Variants in PID1 observed in about 807,000 individuals in gnomAD.
PID1 encodes the protein PTB-containing, cubilin and LRP1-interacting protein.
PID1 carries 10 observed loss-of-function variants against 19.1 expected under a neutral mutation model. The ratio of observed to expected loss-of-function variants is 0.52; its 90% CI spans 0.32 to 0.89. PID1 has a LOEUF of 0.89. Ranked by LOEUF, PID1 falls within the 40% of genes least tolerant of loss-of-function variation. The probability of loss-of-function intolerance (pLI) is 0.03; values close to 1 mark genes in which losing one functional copy is unlikely to be tolerated. For missense variants in PID1, 248 were observed against 285.3 expected (o/e 0.87, Z 0.94); for synonymous variants, 130 against 116.0 (o/e 1.12, Z -0.78).
chr2:229,209,622 A>C (rs1285165012), intron 1 of PID1, among the ~76,000 whole-genome samples: 1 of 152,122 alleles, frequency 6.6e-6, no homozygotes, highest in Non-Finnish European at 1.5e-5. Context: ...TTAAACATTG[A>C]TCATGTTTTG....
intron 2 of PID1, among the ~76,000 whole-genome samples, chr2:229,120,892 T>C (rs1574645204): frequency 6.6e-6 from 1 of 151,984 alleles, no homozygotes; most frequent in Non-Finnish European, 1.5e-5. Context: ...GGAGAGGCAG[T>C]TGTTATAAAG....
At chr2:229,254,827 T>C (rs1191412886) in intron 1 of PID1, among the ~76,000 whole-genome samples, 1 of 152,240 alleles carries the variant, frequency 6.6e-6, no homozygotes, top group South Asian at 2.1e-4. Context: ...TAATGTATAT[T>C]TGTATTTTCT....
intron 1 of PID1, among the ~76,000 whole-genome samples, chr2:229,220,324 G>A (rs772895994): frequency 8.5e-5 from 13 of 152,214 alleles, no homozygotes; most frequent in Non-Finnish European, 1.8e-4. Context: ...AAGCAGCCAG[G>A]TGAGAGAGCC....
At chr2:229,066,702 G>A (rs1226759122) in intron 2 of PID1, among the ~76,000 whole-genome samples, 2 of 151,652 alleles carry the variant, frequency 1.3e-5, no homozygotes, top group African/African-American at 4.8e-5. Flanking sequence ...TCTATTTTGA[G>A]GACATAGCAT....
intron 1 of PID1, among the ~76,000 whole-genome samples, chr2:229,218,457 T>A (rs1391337146): frequency 6.6e-6 from 1 of 152,134 alleles, no homozygotes; most frequent in Non-Finnish European, 1.5e-5. Flanking sequence ...CCCGCACACG[T>A]TGCAGAAATC....
intron 1 of PID1, among the ~76,000 whole-genome samples, chr2:229,193,975 T>G (rs1691318413): frequency 6.6e-6 from 1 of 152,046 alleles, no homozygotes; most frequent in Admixed American, 6.6e-5. Context: ...AGCTGCAGAA[T>G]GGGGGATATT....
At chr2:229,131,438 C>G (rs1025621404) in intron 2 of PID1, among the ~76,000 whole-genome samples, 1 of 152,062 alleles carries the variant, frequency 6.6e-6, no homozygotes, top group Non-Finnish European at 1.5e-5. Flanking sequence ...ACCACATTGG[C>G]CAGGCAGGTG....
intron 2 of PID1, among the ~76,000 whole-genome samples, chr2:229,051,540 G>A (rs902346483): frequency 2.0e-5 from 3 of 152,058 alleles, no homozygotes; most frequent in African/African-American, 7.2e-5. Flanking sequence ...GTTTCACCAT[G>A]TTGCCCAGGC....
At chr2:229,228,467 T>C (rs1337419023) in intron 1 of PID1, among the ~76,000 whole-genome samples, 2 of 152,220 alleles carry the variant, frequency 1.3e-5, no homozygotes, top group Admixed American at 1.3e-4. Flanking sequence ...TTTACCATTA[T>C]GTAATATACG....
chr2:229,240,337 T>C (rs1173783939), intron 1 of PID1, among the ~76,000 whole-genome samples: 1 of 152,080 alleles, frequency 6.6e-6, no homozygotes, highest in Non-Finnish European at 1.5e-5. Flanking sequence ...TATCAGTGAA[T>C]GTGACATCCT....
intron 2 of PID1, among the ~76,000 whole-genome samples, chr2:229,048,304 C>T (rs760433173): frequency 2.0e-5 from 3 of 152,124 alleles, no homozygotes; most frequent in Non-Finnish European, 2.9e-5. Context: ...CCCCATTGTT[C>T]CCATCCACAT....
At chr2:229,172,948 G>C (rs1690740618) in intron 1 of PID1, among the ~76,000 whole-genome samples, 1 of 152,028 alleles carries the variant, frequency 6.6e-6, no homozygotes, top group Admixed American at 6.6e-5. Flanking sequence ...GGCCAGGCTG[G>C]TGCCGAACTC....
At chr2:229,037,852 C>T (rs1048712167) in intron 2 of PID1, among the ~76,000 whole-genome samples, 26 of 152,262 alleles carry the variant, frequency 1.7e-4, no homozygotes, top group South Asian at 6.2e-4. Flanking sequence ...ATGTTCACAA[C>T]GAGAAAATTC....
intron 2 of PID1, among the ~76,000 whole-genome samples, chr2:229,125,790 C>T (rs537708277): frequency 6.6e-6 from 1 of 152,274 alleles, no homozygotes; most frequent in East Asian, 1.9e-4. Flanking sequence ...TGCACATTTT[C>T]CCACGTGCAA....
chr2:229,158,985 A>T (rs1042771690), intron 1 of PID1, among the ~76,000 whole-genome samples: 16 of 152,146 alleles, frequency 1.1e-4, no homozygotes, highest in Non-Finnish European at 2.1e-4. Flanking sequence ...GTACAAAAAA[A>T]CATAGTTAGA....
chr2:229,071,807 A>C (rs1414832865), intron 2 of PID1, among the ~76,000 whole-genome samples: 1 of 152,234 alleles, frequency 6.6e-6, no homozygotes, highest in Non-Finnish European at 1.5e-5. Flanking sequence ...ATGGTGTAAA[A>C]GATATTATGG....
intron 1 of PID1, chr2:229,228,084 C>A (rs1006235461): frequency 1.5e-5 from 7 of 455,344 alleles, no homozygotes; most frequent in Non-Finnish European, 3.1e-5. Context: ...AAGGCAAATG[C>A]GTGAGAATAA....
At chr2:229,099,215 C>T (rs759132919) in intron 2 of PID1, among the ~76,000 whole-genome samples, 32 of 152,120 alleles carry the variant, frequency 2.1e-4, no homozygotes, top group Admixed American at 1.1e-3. Flanking sequence ...TTTAAAAATA[C>T]GTGTTTCAAA....
intron 2 of PID1, among the ~76,000 whole-genome samples, chr2:229,032,450 G>T (rs1465308296): frequency 6.6e-6 from 1 of 152,166 alleles, no homozygotes; most frequent in African/African-American, 2.4e-5. Context: ...ACTTTCTAGA[G>T]GAATAATAGG....
Sources: gnomAD v4.1 joint callset for allele counts (sites outside exome capture counted in the v4.1 genomes callset) on GRCh38, gnomAD v4.1.1 for gene constraint, MANE v1.5 for transcripts, NCBI Gene and HGNC (gene_info 2026-07-23, HGNC 2026-07-21) for gene names.